Variants in SOX5 observed in about 807,000 individuals in gnomAD.
The protein encoded by SOX5 is SRY-box transcription factor 5.
In SOX5, 9 loss-of-function variants were observed where a neutral mutation model predicts 92.0. The observed-to-expected ratio is 0.10, with a 90% confidence interval of 0.06 to 0.17. SOX5 has a LOEUF of 0.17. Ranked by LOEUF, SOX5 falls within the 10% of genes least tolerant of loss-of-function variation. The pLI is 1.00. For synonymous variants in SOX5, 344 were observed against 336.3 expected (o/e 1.02, Z -0.25); for missense variants, 642 against 944.5 (o/e 0.68, Z 4.20).
intron 6 of SOX5, among the ~76,000 whole-genome samples, chr12:23,730,415 T>G (rs564547871): frequency 6.6e-6 from 1 of 152,208 alleles, no homozygotes; most frequent in Non-Finnish European, 1.5e-5. Flanking sequence ...AACTTCTTAG[T>G]GCTTCTAAAA....
chr12:23,648,756 T>C (rs1384850046), intron 7 of SOX5, among the ~76,000 whole-genome samples: 3 of 152,200 alleles, frequency 2.0e-5, no homozygotes, highest in African/African-American at 7.2e-5. Flanking sequence ...TATTTTGTTA[T>C]AGCAGCCATA....
At chr12:24,125,197 CA>C (rs1330172336) in intron 4 of SOX5, among the ~76,000 whole-genome samples, 2 of 152,284 alleles carry the variant, frequency 1.3e-5, no homozygotes, top group East Asian at 3.9e-4. Flanking sequence ...GGAGGAATCT[CA>C]GAGCAATTTC....
At chr12:24,155,576 T>A (rs1243829974) in intron 4 of SOX5, among the ~76,000 whole-genome samples, 1 of 152,126 alleles carries the variant, frequency 6.6e-6, no homozygotes, top group Non-Finnish European at 1.5e-5. Flanking sequence ...ATGGTGGCCT[T>A]CCTGCAGAAA....
intron 11 of SOX5, 107 bp downstream of exon 11, chr12:23,563,149 CAG>C (rs1946503290): frequency 3.3e-6 from 3 of 910,490 alleles, no homozygotes; most frequent in South Asian, 1.7e-5. Context: ...AGAAAAGGGA[CAG>C]AGAATCATTT....
intron 4 of SOX5, among the ~76,000 whole-genome samples, chr12:24,186,835 G>A (rs1183696816): frequency 6.6e-6 from 1 of 151,972 alleles, no homozygotes; most frequent in African/African-American, 2.4e-5. Flanking sequence ...GGCAGAATTA[G>A]CATATTTTAA....
intron 4 of SOX5, among the ~76,000 whole-genome samples, chr12:24,056,100 T>G (rs747323508): frequency 6.6e-6 from 1 of 152,170 alleles, no homozygotes; most frequent in Non-Finnish European, 1.5e-5. Flanking sequence ...AACACTGAAT[T>G]CAAGTACTAG....
intron 1 of SOX5, among the ~76,000 whole-genome samples, chr12:24,373,957 A>G (rs1177376173): frequency 6.6e-6 from 1 of 152,240 alleles, no homozygotes; most frequent in Non-Finnish European, 1.5e-5. Context: ...GAAATCTTAG[A>G]TAACAAACTC....
intron 2 of SOX5, among the ~76,000 whole-genome samples, chr12:23,885,691 AG>A (rs2137283911): frequency 6.6e-6 from 1 of 152,266 alleles, no homozygotes; most frequent in South Asian, 2.1e-4. Context: ...AAAATGGTCT[AG>A]GGGAAAATTT....
rs570743290 is a variant in SOX5 at position 24,016,121 on chromosome 12, C to T, written c.-1-120097G>A. Among the ~76,000 whole-genome samples the T allele has an allele frequency of 5.3e-5, 8 of 152,238 alleles. No individual in the cohort carries two copies. In the South Asian group the frequency reaches 1.2e-3, roughly 24 times the overall value. ...TCGGGAGAATGGTGCAGCTAACATGCGGTGGGCAAGATTTCACATTTTGCT... is the reference window on the plus strand; with the variant it reads ...TCGGGAGAATGGTGCAGCTAACATGTGGTGGGCAAGATTTCACATTTTGCT... On this transcript the variant is annotated intron_variant, in intron 4 of 4. Coordinates refer to the SOX5 transcript ENST00000446891.
At chr12:24,278,176 T>C (rs1944715728) in intron 2 of SOX5, among the ~76,000 whole-genome samples, 1 of 152,212 alleles carries the variant, frequency 6.6e-6, no homozygotes, top group South Asian at 2.1e-4. Flanking sequence ...ATATCATCAC[T>C]GATTATTCAG....
At chr12:24,293,747 C>T (rs185682756) in intron 2 of SOX5, among the ~76,000 whole-genome samples, 3 of 152,156 alleles carry the variant, frequency 2.0e-5, no homozygotes, top group Admixed American at 6.5e-5. Context: ...TCAATGGGAC[C>T]GATCTCACCA....
intron 1 of SOX5, among the ~76,000 whole-genome samples, chr12:23,940,002 A>G (rs946622431): frequency 6.0e-5 from 9 of 151,110 alleles, no homozygotes; most frequent in African/African-American, 2.2e-4. Flanking sequence ...TATACTGTCC[A>G]TAGCCCCTGT....
intron 4 of SOX5, among the ~76,000 whole-genome samples, chr12:24,138,618 T>C (rs1056609835): frequency 6.6e-6 from 1 of 152,138 alleles, no homozygotes; most frequent in African/African-American, 2.4e-5. Context: ...ATGGGGAAAA[T>C]GTTTGCAAGT....
At chr12:24,439,557 A>C (rs557973317) in intron 1 of SOX5, among the ~76,000 whole-genome samples, 1 of 152,280 alleles carries the variant, frequency 6.6e-6, no homozygotes, top group South Asian at 2.1e-4. Context: ...TAGGCCTAAA[A>C]CATCTATGCT....
chr12:24,439,822 G>T (rs1398848435), intron 1 of SOX5, among the ~76,000 whole-genome samples: 1 of 152,118 alleles, frequency 6.6e-6, no homozygotes, highest in Non-Finnish European at 1.5e-5. Context: ...GTGAACCCAG[G>T]AGGCGGAGCT....
At chr12:24,049,766 T>A (rs1166346602) in intron 4 of SOX5, among the ~76,000 whole-genome samples, 1 of 147,976 alleles carries the variant, frequency 6.8e-6, no homozygotes, top group Non-Finnish European at 1.5e-5. Context: ...TTTATCCCAA[T>A]AATCTTTAGA....
At position 23,701,474 on chromosome 12, in the gene SOX5, A is replaced by G. The variant is rs546902914; in HGVS notation, c.810+33210T>C. Among the ~76,000 whole-genome samples the G allele has an allele frequency of 9.9e-5, 15 of 152,200 alleles. No individual in the cohort carries two copies. In the South Asian group the frequency reaches 2.9e-3, roughly 29 times the overall value. ...CTCTTCACCATAAACATAATAATGG[A>G]TAACTCACATATCAAAAACTTTAAC... On this transcript the variant is annotated intron_variant, in intron 6 of 14. Coordinates refer to ENST00000451604, the MANE Select transcript of SOX5 (RefSeq NM_006940.6).
Position 23,793,501 on chromosome 12 carries a change from T to G in SOX5, c.482-37777A>C, listed in dbSNP as rs137973771. Among the ~76,000 whole-genome samples, 1,289 of 152,238 alleles carry G rather than the reference T, an allele frequency of 8.5e-3. 31 individuals are homozygous for G. The highest frequency in any genetic ancestry group is 0.029 in the African/African-American group (1,220 of 41,536). The stretch of plus-strand genomic sequence containing the variant: ...ATATTTAAGAAGAACTATACTGGAC[T>G]GAAGGAAAAACAAATAAAACTATTC... On this transcript the variant is annotated intron_variant, in intron 3 of 14. Transcript: ENST00000451604.
At chr12:24,208,031 A>C (rs11047315) in intron 4 of SOX5, among the ~76,000 whole-genome samples, 31,500 of 152,116 alleles carry the variant, frequency 0.21, 3,800 homozygotes, top group East Asian at 0.5. Context: ...GTGAATTGCA[A>C]GGCCTTTATT....
Sources: gnomAD v4.1 joint callset for allele counts (sites outside exome capture counted in the v4.1 genomes callset) on GRCh38, gnomAD v4.1.1 for gene constraint, MANE v1.5 for transcripts, NCBI Gene and HGNC (gene_info 2026-07-23, HGNC 2026-07-21) for gene names.